Variants in MSRA observed in about 807,000 individuals in gnomAD.
MSRA encodes the protein mitochondrial peptide methionine sulfoxide reductase.
Under a neutral mutation model 31.3 loss-of-function variants are expected in MSRA, and 54 were observed. The observed-to-expected ratio is 1.73, with a 90% confidence interval of 1.39 to 2.17. The LOEUF is 2.17. Ranked by LOEUF, MSRA falls within the 30% of genes most tolerant of loss-of-function variation. The probability of loss-of-function intolerance (pLI) is 0.00; values close to 1 mark genes in which losing one functional copy is unlikely to be tolerated. For missense variants in MSRA, 507 were observed against 300.9 expected (o/e 1.69, Z -5.07); for synonymous variants, 169 against 116.5 (o/e 1.45, Z -2.90).
chr8:10,122,026 G>A (rs1259389555), intron 1 of MSRA, among the ~76,000 whole-genome samples: 16 of 152,008 alleles, frequency 1.1e-4, no homozygotes, highest in Non-Finnish European at 1.8e-4. Context: ...TTGGCCACAC[G>A]CATGCTTGTG....
chr8:10,228,694 G>A (rs954148952), intron 2 of MSRA, among the ~76,000 whole-genome samples: 1 of 152,144 alleles, frequency 6.6e-6, no homozygotes, highest in Non-Finnish European at 1.5e-5. Context: ...TCCAGAGTCT[G>A]CCTTGGTTCT....
intron 1 of MSRA, among the ~76,000 whole-genome samples, chr8:10,086,958 G>C (rs1181785598): frequency 6.6e-6 from 1 of 151,952 alleles, no homozygotes; most frequent in East Asian, 1.9e-4. Flanking sequence ...ATTTGGGTTG[G>C]CCTTAGGAAG....
At chr8:10,182,852 T>A (rs186651549) in intron 1 of MSRA, among the ~76,000 whole-genome samples, 5 of 152,312 alleles carry the variant, frequency 3.3e-5, no homozygotes, top group Admixed American at 3.3e-4. Context: ...TAAGCGGCTG[T>A]CCTCAGTGTT....
intron 1 of MSRA, among the ~76,000 whole-genome samples, chr8:10,096,837 T>G (rs1004356426): frequency 2.6e-5 from 4 of 152,182 alleles, no homozygotes; most frequent in Non-Finnish European, 4.4e-5. Flanking sequence ...TCACCCTGAT[T>G]GTAAGTATTC....
chr8:10,412,958 C>G (rs1808243221), intron 5 of MSRA, among the ~76,000 whole-genome samples: 2 of 152,206 alleles, frequency 1.3e-5, no homozygotes, highest in Admixed American at 6.5e-5. Context: ...CTACTGTGAG[C>G]CAGCAATCCC....
intron 1 of MSRA, among the ~76,000 whole-genome samples, chr8:10,183,360 G>C (rs865785067): frequency 6.6e-6 from 1 of 152,130 alleles, no homozygotes; most frequent in Non-Finnish European, 1.5e-5. Context: ...GTTTGCCAGG[G>C]GCTAAGTGTG....
intron 3 of MSRA, among the ~76,000 whole-genome samples, chr8:10,279,036 C>T (rs1207979781): frequency 6.6e-6 from 1 of 152,114 alleles, no homozygotes; most frequent in Non-Finnish European, 1.5e-5. Flanking sequence ...TTACAAAGGT[C>T]ATTTAGGTCA....
chr8:10,333,429 C>A (rs1451079795), intron 5 of MSRA, among the ~76,000 whole-genome samples: 1 of 152,206 alleles, frequency 6.6e-6, no homozygotes, highest in African/African-American at 2.4e-5. Flanking sequence ...CACACAGCTG[C>A]ATTCCTTGCA....
At chr8:10,316,104 G>C (rs774310585) in intron 4 of MSRA, among the ~76,000 whole-genome samples, 14 of 152,172 alleles carry the variant, frequency 9.2e-5, no homozygotes, top group Non-Finnish European at 1.9e-4. Context: ...CATCTCCCTT[G>C]AGATGCACTG....
At chr8:10,379,317 A>C (rs1395134694) in intron 5 of MSRA, among the ~76,000 whole-genome samples, 1 of 152,158 alleles carries the variant, frequency 6.6e-6, no homozygotes, top group Non-Finnish European at 1.5e-5. Context: ...GAAAAAAAAA[A>C]AATCCAGCCA....
chr8:10,290,571 G>A (rs1800178859), intron 3 of MSRA, among the ~76,000 whole-genome samples: 1 of 152,178 alleles, frequency 6.6e-6, no homozygotes, highest in African/African-American at 2.4e-5. Flanking sequence ...GCATATGCCA[G>A]GCCTGCCCCC....
At chr8:10,332,451 T>TCCCCCCCC (rs373121180) in intron 5 of MSRA, among the ~76,000 whole-genome samples, 25 of 146,496 alleles carry the variant, frequency 1.7e-4, no homozygotes, top group Non-Finnish European at 2.6e-4. Flanking sequence ...AAAAGAAAAA[T>TCCCCCCCC]CCCCCCTCCC....
At chr8:10,274,274 G>C (rs1028304155) in intron 3 of MSRA, among the ~76,000 whole-genome samples, 3 of 152,150 alleles carry the variant, frequency 2.0e-5, no homozygotes, top group African/African-American at 7.2e-5. Flanking sequence ...CAGGGGAGCA[G>C]GTCCATTGTT....
At chr8:10,122,080 A>G (rs1454472358) in intron 1 of MSRA, among the ~76,000 whole-genome samples, 1 of 152,068 alleles carries the variant, frequency 6.6e-6, no homozygotes, top group Non-Finnish European at 1.5e-5. Context: ...GGGAAGGGGC[A>G]CCACATATCT....
rs556878035 is a variant in MSRA at position 10,173,310 on chromosome 8, G to C, written c.143-34523G>C. On this transcript the variant is annotated intron_variant, in intron 1 of 5. Transcript: ENST00000317173. ...ATGTAAAAGATGAAAAATTGTGTCAGCAATATCACACCCAGTTACTGTGAA... is the reference window on the plus strand; with the variant it reads ...ATGTAAAAGATGAAAAATTGTGTCACCAATATCACACCCAGTTACTGTGAA... Among the ~76,000 whole-genome samples, 6 of 152,356 alleles carry C rather than the reference G, an allele frequency of 3.9e-5. No individual in the cohort carries two copies. In the East Asian group the frequency reaches 1.2e-3, roughly 29 times the overall value.
At chr8:10,238,145 C>A (rs1181133235) in intron 2 of MSRA, among the ~76,000 whole-genome samples, 1 of 152,150 alleles carries the variant, frequency 6.6e-6, no homozygotes, top group Non-Finnish European at 1.5e-5. Context: ...TCCTTCCTGC[C>A]CCTTAGAAAT....
intron 1 of MSRA, among the ~76,000 whole-genome samples, chr8:10,183,913 A>ATGGTCTTGG (rs568209270): frequency 8.9e-6 from 1 of 112,062 alleles, no homozygotes; most frequent in Non-Finnish European, 1.9e-5. Flanking sequence ...AGTGGTGGTG[A>ATGGTCTTGG]TGGTCTTGGT....
chr8:10,386,548 C>A (rs1806403720), intron 5 of MSRA, among the ~76,000 whole-genome samples: 1 of 152,096 alleles, frequency 6.6e-6, no homozygotes, highest in African/African-American at 2.4e-5. Flanking sequence ...TGGTCTTTTC[C>A]AGTGGTTCTC....
At chr8:10,246,065 T>C (rs1411277672) in intron 3 of MSRA, among the ~76,000 whole-genome samples, 1 of 151,398 alleles carries the variant, frequency 6.6e-6, no homozygotes, top group Non-Finnish European at 1.5e-5. Flanking sequence ...ACTATTGACT[T>C]GACTTATAGG....
Sources: gnomAD v4.1 joint callset for allele counts (sites outside exome capture counted in the v4.1 genomes callset) on GRCh38, gnomAD v4.1.1 for gene constraint, MANE v1.5 for transcripts, NCBI Gene and HGNC (gene_info 2026-07-23, HGNC 2026-07-21) for gene names.